Variants in MARK3 observed in about 807,000 individuals in gnomAD.
MARK3 encodes the protein MAP/microtubule affinity-regulating kinase 3.
A neutral mutation model predicts 90.1 loss-of-function variants in MARK3; 46 were observed. The ratio of observed to expected loss-of-function variants is 0.51; its 90% CI spans 0.40 to 0.65. The LOEUF (loss-of-function observed/expected upper bound fraction) is 0.65. MARK3 is among the 30% of genes least tolerant of loss of function. The pLI is 0.00. For missense variants in MARK3, 818 were observed against 947.2 expected, an observed-to-expected ratio of 0.86 and a Z score of 1.79; for synonymous variants, 321 against 332.6, an observed-to-expected ratio of 0.97 and a Z score of 0.38.
rs117868815 is a variant in MARK3 at position 103,477,355 on chromosome 14, A to G, written c.1482+2145A>G. 1.0e-3 allele frequency among the ~76,000 whole-genome samples: 155 copies of G among 152,142 alleles called. 4 individuals carry two copies. In the East Asian group the frequency reaches 0.026, roughly 25 times the overall value. ...AAAAATACAAAAATTAGCCGGGTAT[A>G]GTGGCGTGCTCCTGTAATCCTAGCT... On this transcript the variant is annotated intron_variant, in intron 13 of 17. Coordinates refer to ENST00000429436, the MANE Select transcript of MARK3 (RefSeq NM_001128918.3).
intron 3 of MARK3, 66 bp from the exon 4 acceptor site, chr14:103,448,852 CA>C: frequency 7.1e-7 from 1 of 1,412,048 alleles, no homozygotes; most frequent in Non-Finnish European, 9.6e-7. Context: ...TATATTACAA[CA>C]GTGGAATATA....
chr14:103,409,664 C>T (rs1184970578), intron 2 of MARK3, among the ~76,000 whole-genome samples: 1 of 152,068 alleles, frequency 6.6e-6, no homozygotes, highest in Non-Finnish European at 1.5e-5. Context: ...TAGACATTAA[C>T]TTTTAAAAAA....
intron 3 of MARK3, among the ~76,000 whole-genome samples, 199 bp downstream of exon 3, chr14:103,428,639 C>A (rs1440378378): frequency 6.6e-6 from 1 of 151,946 alleles, no homozygotes; most frequent in Non-Finnish European, 1.5e-5. Context: ...TTTAAATGTT[C>A]TTAACAGCAC....
chr14:103,480,169 C>A (rs1475332882), intron 13 of MARK3, among the ~76,000 whole-genome samples: 1 of 152,022 alleles, frequency 6.6e-6, no homozygotes, highest in African/African-American at 2.4e-5. Context: ...GCCTGTATTC[C>A]CAGCTACTTG....
chr14:103,389,859 G>T (rs977125739), intron 1 of MARK3, among the ~76,000 whole-genome samples: 1 of 140,894 alleles, frequency 7.1e-6, no homozygotes, highest in African/African-American at 2.7e-5. Flanking sequence ...CTGGAGAATC[G>T]CTTGAACCCT....
Position 103,462,397 on chromosome 14 carries a change from C to T in MARK3, c.484-8C>T, listed in dbSNP as rs1419794240. Reference sequence around the variant, plus strand: ...AGTGATGACTGACTCTGCGTCTCTCCTATTCAGATTGTGTCTGCAGTTCAA... The same window carrying T: ...AGTGATGACTGACTCTGCGTCTCTCTTATTCAGATTGTGTCTGCAGTTCAA... On this transcript the variant is annotated splice_region_variant and splice_polypyrimidine_tract_variant and intron_variant, in intron 6 of 17. Coordinates refer to ENST00000429436, the MANE Select transcript of MARK3 (RefSeq NM_001128918.3). 1.9e-6 allele frequency: 3 copies of T among 1,598,036 alleles called. No homozygotes were observed. The South Asian group carries it at 3.3e-5, about 18-fold the overall frequency.
intron 1 of MARK3, among the ~76,000 whole-genome samples, chr14:103,398,394 T>C (rs922407746): frequency 2.0e-5 from 3 of 152,252 alleles, no homozygotes; most frequent in Admixed American, 1.3e-4. Context: ...CATTGTGGTT[T>C]TAACTTGTAT....
intron 3 of MARK3, among the ~76,000 whole-genome samples, chr14:103,430,659 A>G (rs2092555702): frequency 6.6e-6 from 1 of 152,192 alleles, no homozygotes; most frequent in South Asian, 2.1e-4. Context: ...GTATTTTAAC[A>G]GTGAACACAC....
intron 7 of MARK3, among the ~76,000 whole-genome samples, chr14:103,464,088 A>T (rs879873050): frequency 1.3e-5 from 2 of 152,058 alleles, no homozygotes; most frequent in Non-Finnish European, 2.9e-5. Context: ...GTGCCAACCC[A>T]CAACTCCCTG....
intron 1 of MARK3, 126 bp downstream of exon 1, chr14:103,386,206 C>T (rs1290306792): frequency 2.5e-5 from 23 of 926,330 alleles, no homozygotes; most frequent in South Asian, 2.3e-4. Context: ...GCCGTAGTCA[C>T]CCAGGAGGCA....
intron 1 of MARK3, among the ~76,000 whole-genome samples, chr14:103,394,342 A>G (rs752915632): frequency 1.5e-4 from 23 of 152,192 alleles, no homozygotes; most frequent in Admixed American, 6.5e-4. Context: ...TTGGTCTGCA[A>G]AAGTAATAAG....
chr14:103,487,953 C>T (rs990186725), intron 14 of MARK3, among the ~76,000 whole-genome samples: 2 of 151,682 alleles, frequency 1.3e-5, no homozygotes, highest in African/African-American at 4.9e-5. Flanking sequence ...GAGACTGAGG[C>T]AGGAGAATGG....
intron 12 of MARK3, among the ~76,000 whole-genome samples, chr14:103,470,019 T>G (rs996107981): frequency 6.7e-6 from 1 of 149,204 alleles, no homozygotes; most frequent in African/African-American, 2.5e-5. Context: ...CAAGATCGTG[T>G]GACTGCACTC....
chr14:103,449,786 C>CT (rs1404480312), intron 4 of MARK3, among the ~76,000 whole-genome samples: 1 of 152,134 alleles, frequency 6.6e-6, no homozygotes, highest in African/African-American at 2.4e-5. Flanking sequence ...TACATAACTG[C>CT]TTTTTTGTAT....
chr14:103,431,983 T>G (rs1951390), intron 3 of MARK3, among the ~76,000 whole-genome samples: 10 of 150,956 alleles, frequency 6.6e-5, no homozygotes, highest in Middle Eastern at 3.4e-3. Context: ...GTTTCCCCCC[T>G]CCCACCTGAA....
Position 103,491,881 on chromosome 14 carries a change from C to CT in MARK3, c.1694dup (p.His566ProfsTer13). On this transcript the variant is annotated frameshift_variant, in exon 15 of 18. Coordinates refer to ENST00000429436, the MANE Select transcript of MARK3 (RefSeq NM_001128918.3). LOFTEE classifies it high-confidence loss of function. Reference sequence around the variant, plus strand: ...CCAAGAGGCACTGCCAGTCGTAGCACTTTCCACGGCCAGCCCCGGGAACGG... The same window carrying CT: ...CCAAGAGGCACTGCCAGTCGTAGCACTTTTCCACGGCCAGCCCCGGGAACGG... The CT allele has an allele frequency of 6.2e-7, 1 of 1,614,228 alleles. No homozygotes were observed. The highest frequency in any genetic ancestry group is 8.5e-7 in the Non-Finnish European group (1 of 1,180,036).
chr14:103,460,408 C>T (rs1007376558), intron 6 of MARK3, among the ~76,000 whole-genome samples: 11 of 152,088 alleles, frequency 7.2e-5, no homozygotes, highest in African/African-American at 2.7e-4. Context: ...TTACTTACCT[C>T]TTTATTGGTG....
In MARK3 at chr14:103,472,499, C is replaced by T. The variant is rs371318216; in HGVS notation, c.1265-2494C>T. 4.0e-5 allele frequency among the ~76,000 whole-genome samples: 6 copies of T among 151,146 alleles called. No individual in the cohort carries two copies. The South Asian group carries it at 8.4e-4, about 21-fold the overall frequency. On this transcript the variant is annotated intron_variant, in intron 12 of 17. Coordinates refer to ENST00000429436, the MANE Select transcript of MARK3 (RefSeq NM_001128918.3). ...TCTACTAAAAATACAAAAACAAAAT[C>T]AGCTGAGCTTGGTGTCAAGTGCCTG... is the stretch of plus-strand genomic sequence containing the variant.
At chr14:103,490,635 ATC>A (rs2094000756) in intron 14 of MARK3, 1 of 152,604 alleles carries the variant, frequency 6.6e-6, no homozygotes, top group African/African-American at 2.4e-5. Context: ...GAATTGAGGC[ATC>A]TCTTAGAATA....
Sources: gnomAD v4.1 joint callset for allele counts (sites outside exome capture counted in the v4.1 genomes callset) on GRCh38, gnomAD v4.1.1 for gene constraint, MANE v1.5 for transcripts, NCBI Gene and HGNC (gene_info 2026-07-23, HGNC 2026-07-21) for gene names.